Variants in KCNH7 observed in about 807,000 individuals in gnomAD.
The protein encoded by KCNH7 is voltage-gated inwardly rectifying potassium channel KCNH7.
A neutral mutation model predicts 120.8 loss-of-function variants in KCNH7; 49 were observed. The observed-to-expected ratio is 0.41, with a 90% CI of 0.32 to 0.51. The LOEUF (loss-of-function observed/expected upper bound fraction) is 0.51, where lower values mean the gene tolerates loss of function less well. Ranked by LOEUF, KCNH7 falls within the 20% of genes least tolerant of loss-of-function variation. The pLI is 0.38. For missense variants in KCNH7, 1,097 were observed against 1,446.6 expected, an observed-to-expected ratio of 0.76 and a Z score of 3.92; for synonymous variants, 547 against 516.1, an observed-to-expected ratio of 1.06 and a Z score of -0.81.
intron 10 of KCNH7, among the ~76,000 whole-genome samples, chr2:162,397,347 G>A (rs1243530638): frequency 6.6e-6 from 1 of 151,744 alleles, no homozygotes; most frequent in Non-Finnish European, 1.5e-5. Context: ...TCTCGGGATG[G>A]TCTCTGCAGG....
chr2:162,609,909 A>C (rs2105969417), intron 2 of KCNH7, among the ~76,000 whole-genome samples: 1 of 152,306 alleles, frequency 6.6e-6, no homozygotes, highest in East Asian at 1.9e-4. Context: ...GAAGAGTCTG[A>C]ATCCAAATCT....
At chr2:162,523,542 CTT>C (rs975156372) in intron 3 of KCNH7, among the ~76,000 whole-genome samples, 1 of 151,584 alleles carries the variant, frequency 6.6e-6, no homozygotes, top group Non-Finnish European at 1.5e-5. Flanking sequence ...TTCTCTCCCT[CTT>C]TCTCTCTCTC....
chr2:162,817,751 T>C (rs180893450), intron 2 of KCNH7, among the ~76,000 whole-genome samples: 2 of 152,276 alleles, frequency 1.3e-5, no homozygotes, highest in African/African-American at 4.8e-5. Flanking sequence ...ATTTTACCTA[T>C]TCTAGTGGGT....
chr2:162,586,312 T>A (rs1694017677), intron 2 of KCNH7, among the ~76,000 whole-genome samples: 1 of 152,080 alleles, frequency 6.6e-6, no homozygotes, highest in African/African-American at 2.4e-5. Flanking sequence ...TTATAGCTTC[T>A]ATTTTGCCCT....
At chr2:162,591,890 C>T (rs1278014991) in intron 2 of KCNH7, among the ~76,000 whole-genome samples, 2 of 152,034 alleles carry the variant, frequency 1.3e-5, no homozygotes, top group Admixed American at 1.3e-4. Context: ...TCGGAGATTA[C>T]ATTCCTAGCT....
At chr2:162,426,214 TAAAAAAAAAAA>T (rs751111957) in intron 8 of KCNH7, among the ~76,000 whole-genome samples, 2 of 118,964 alleles carry the variant, frequency 1.7e-5, no homozygotes, top group Non-Finnish European at 3.6e-5. Flanking sequence ...ACCCTATCTT[TAAAAAAAAAAA>T]AAAAAAAAAA....
chr2:162,706,779 T>G (rs1233225909), intron 2 of KCNH7, among the ~76,000 whole-genome samples: 1 of 152,162 alleles, frequency 6.6e-6, no homozygotes, highest in Non-Finnish European at 1.5e-5. Flanking sequence ...CTTGGCATAA[T>G]GCTTGTCCAC....
At chr2:162,744,712 A>G (rs925569682) in intron 2 of KCNH7, among the ~76,000 whole-genome samples, 10 of 151,832 alleles carry the variant, frequency 6.6e-5, no homozygotes, top group African/African-American at 1.9e-4. Context: ...AGCTGGGACT[A>G]CAAGTGCCCA....
At position 162,549,755 on chromosome 2, in the gene KCNH7, A is replaced by C. The variant is rs539632894; in HGVS notation, c.308-12675T>G. On this transcript the variant is annotated intron_variant, in intron 2 of 15. Transcript: ENST00000332142. ...AATAAGATAAGAATTAATTTCCTAG[A>C]TTCATTTTCCTTACTGTTGTTATAG... 1.5e-4 allele frequency among the ~76,000 whole-genome samples: 23 copies of C among 152,312 alleles called. 2 individuals are homozygous for C. In the South Asian group the frequency reaches 4.8e-3, roughly 32 times the overall value.
intron 2 of KCNH7, among the ~76,000 whole-genome samples, chr2:162,691,377 C>T (rs1314156093): frequency 6.6e-6 from 1 of 152,026 alleles, no homozygotes. Flanking sequence ...CCTGTGGAGA[C>T]TTTTGTTTGA....
At chr2:162,777,171 G>A (rs766145550) in intron 2 of KCNH7, among the ~76,000 whole-genome samples, 5 of 151,966 alleles carry the variant, frequency 3.3e-5, no homozygotes, top group South Asian at 2.1e-4. Context: ...GACATAACTC[G>A]GTATCCATGG....
chr2:162,484,220 A>AACACACAC (rs71960380), intron 6 of KCNH7, among the ~76,000 whole-genome samples: 102 of 146,840 alleles, frequency 6.9e-4, no homozygotes, highest in African/African-American at 2.4e-3. Flanking sequence ...TGAGTCTTTC[A>AACACACAC]ACACACACAC....
intron 2 of KCNH7, among the ~76,000 whole-genome samples, chr2:162,755,133 G>T (rs1008985323): frequency 6.6e-6 from 1 of 151,828 alleles, no homozygotes; most frequent in African/African-American, 2.4e-5. Flanking sequence ...TAGAACAGAG[G>T]ATCTTTTCTA....
At chr2:162,443,059 C>T (rs1688475450) in intron 7 of KCNH7, among the ~76,000 whole-genome samples, 1 of 152,128 alleles carries the variant, frequency 6.6e-6, no homozygotes, top group Non-Finnish European at 1.5e-5. Context: ...ATCTAAACAA[C>T]AAAATCCCTG....
intron 2 of KCNH7, among the ~76,000 whole-genome samples, chr2:162,670,853 AAATTT>A: frequency 6.6e-6 from 1 of 152,242 alleles, no homozygotes; most frequent in Non-Finnish European, 1.5e-5. Flanking sequence ...TAATCATGAT[AAATTT>A]AACTTAAAGA....
intron 2 of KCNH7, among the ~76,000 whole-genome samples, chr2:162,589,365 T>A (rs896862118): frequency 2.0e-5 from 3 of 152,068 alleles, no homozygotes; most frequent in Non-Finnish European, 4.4e-5. Flanking sequence ...GTAGCTTAGA[T>A]GCATTGCCAT....
intron 2 of KCNH7, among the ~76,000 whole-genome samples, chr2:162,626,731 AAC>A (rs2105207859): frequency 6.6e-6 from 1 of 152,284 alleles, no homozygotes; most frequent in Admixed American, 6.5e-5. Context: ...ATACCTAGGT[AAC>A]ACAGGGTTTT....
At chr2:162,626,111 C>T (rs551776624) in intron 2 of KCNH7, among the ~76,000 whole-genome samples, 89 of 152,104 alleles carry the variant, frequency 5.9e-4, no homozygotes, top group African/African-American at 2.1e-3. Flanking sequence ...AATTGTTTAG[C>T]TCAATTTTCA....
At chr2:162,455,190 G>A (rs1458262848) in intron 6 of KCNH7, among the ~76,000 whole-genome samples, 1 of 151,824 alleles carries the variant, frequency 6.6e-6, no homozygotes, top group Admixed American at 6.6e-5. Flanking sequence ...CATCTACTGA[G>A]ATGATGTGAA....
Sources: gnomAD v4.1 joint callset for allele counts (sites outside exome capture counted in the v4.1 genomes callset) on GRCh38, gnomAD v4.1.1 for gene constraint, MANE v1.5 for transcripts, NCBI Gene and HGNC (gene_info 2026-07-23, HGNC 2026-07-21) for gene names.